Variants in TLN2 observed in about 807,000 individuals in gnomAD.
TLN2 encodes talin 2.
In TLN2, 118 loss-of-function variants were observed where a neutral mutation model predicts 294.7. The ratio of observed to expected loss-of-function variants is 0.40; its 90% CI spans 0.34 to 0.47. The LOEUF is 0.47. Ranked by LOEUF, TLN2 falls within the 20% of genes least tolerant of loss-of-function variation. The pLI, the probability that TLN2 is intolerant of heterozygous loss-of-function variation, is 0.84. For missense variants in TLN2, 3,083 were observed against 3,282.2 expected (o/e 0.94, Z 1.48); for synonymous variants, 1,431 against 1,304.5 (o/e 1.10, Z -2.09).
At chr15:62,671,546 C>T (rs901765224) in intron 9 of TLN2, among the ~76,000 whole-genome samples, 1 of 152,138 alleles carries the variant, frequency 6.6e-6, no homozygotes, top group Non-Finnish European at 1.5e-5. Context: ...TATTCTTTCC[C>T]CACTGAATTG....
At chr15:62,655,798 A>C (rs914685841) in intron 7 of TLN2, 146 bp from the exon 8 acceptor site, 169 of 987,788 alleles carry the variant, frequency 1.7e-4, no homozygotes, top group Non-Finnish European at 2.4e-4. Context: ...CTTAAAAACC[A>C]TAGTTCTAAA....
chr15:62,755,607 A>T lies in TLN2; in HGVS notation c.4552A>T (p.Thr1518Ser). The change falls in exon 37 of 59, where the codon ACG becomes TCG. Residue 1518 changes from threonine (T) to serine (S), a missense_variant. By Grantham distance (58) the Thr-to-Ser change is moderately conservative (BLOSUM62 1). Coordinates refer to ENST00000636159, the MANE Select transcript of TLN2 (RefSeq NM_015059.3). ...CNACRIASSK[T>S]ANPVAKRHFV... ...TGCCTGCCGCATCGCCTCATCCAAG[A>T]CGGCCAACCCAGTAGCCAAGAGGCA... The T allele has an allele frequency of 6.2e-7, 1 of 1,614,182 alleles. No individual in the cohort carries two copies. Among genetic ancestry groups the T allele is most frequent in the South Asian group, 1.1e-5 (1 of 91,082 alleles).
intron 1 of TLN2, among the ~76,000 whole-genome samples, chr15:62,443,999 A>T (rs1244411323): frequency 1.3e-5 from 2 of 152,150 alleles, no homozygotes; most frequent in African/African-American, 4.8e-5. Flanking sequence ...AAACAAATAA[A>T]GGGGAGAATC....
At chr15:62,419,241 A>G (rs2034253343) in intron 1 of TLN2, among the ~76,000 whole-genome samples, 1 of 152,252 alleles carries the variant, frequency 6.6e-6, no homozygotes, top group Admixed American at 6.5e-5. Context: ...AATAAAATAT[A>G]TTATTAAAAG....
intron 1 of TLN2, among the ~76,000 whole-genome samples, chr15:62,500,769 G>T (rs530317810): frequency 6.6e-6 from 1 of 152,214 alleles, no homozygotes; most frequent in Non-Finnish European, 1.5e-5. Context: ...GTTGGGAAAG[G>T]AATTTTTGCC....
chr15:62,758,605 C>T (rs1490474406), intron 37 of TLN2: 1 of 152,216 alleles, frequency 6.6e-6, no homozygotes, highest in African/African-American at 2.4e-5. Flanking sequence ...TAAGCACTTT[C>T]AGTGTGTACC....
intron 1 of TLN2, among the ~76,000 whole-genome samples, chr15:62,419,138 A>C (rs986471444): frequency 3.9e-5 from 6 of 152,230 alleles, no homozygotes; most frequent in African/African-American, 1.4e-4. Flanking sequence ...CAGATTTCAA[A>C]GGCTTGGCAA....
At chr15:62,793,303 G>C (rs547338794) in intron 46 of TLN2, among the ~76,000 whole-genome samples, 2 of 145,440 alleles carry the variant, frequency 1.4e-5, no homozygotes, top group Admixed American at 1.4e-4. Context: ...TTGTGGAGAA[G>C]CAGAAACTTG....
chr15:62,559,537 T>G (rs2042795855), intron 1 of TLN2, among the ~76,000 whole-genome samples: 1 of 152,220 alleles, frequency 6.6e-6, no homozygotes. Flanking sequence ...ACTAGCACTT[T>G]CTTGTGCTCG....
chr15:62,642,437 C>T (rs910424040), intron 3 of TLN2, among the ~76,000 whole-genome samples: 8 of 152,138 alleles, frequency 5.3e-5, no homozygotes, highest in African/African-American at 1.7e-4. Context: ...ATGAAAAGCC[C>T]GGAGAGGGGT....
rs527307671 is a variant in TLN2, at chr15:62,604,815, T to C, written c.-161-13536T>C. 3.9e-5 allele frequency among the ~76,000 whole-genome samples: 6 copies of C among 152,052 alleles called. No homozygotes were observed. The East Asian group carries it at 9.7e-4, about 25-fold the overall frequency. On this transcript the variant is annotated intron_variant, in intron 2 of 58. Coordinates refer to ENST00000636159, the MANE Select transcript of TLN2 (RefSeq NM_015059.3). ...CTGTGTTCTCTGATTTTCCATAGAT[T>C]ATACACAGACGCAAGCCTACCATCC...
intron 28 of TLN2, among the ~76,000 whole-genome samples, chr15:62,736,211 T>A (rs1009070428): frequency 1.3e-5 from 2 of 151,804 alleles, no homozygotes; most frequent in Non-Finnish European, 2.9e-5. Context: ...TCCCAGATAC[T>A]TGGGAGGCTG....
intron 1 of TLN2, among the ~76,000 whole-genome samples, chr15:62,540,414 A>G (rs892011546): frequency 6.6e-6 from 1 of 151,294 alleles, no homozygotes; most frequent in Non-Finnish European, 1.5e-5. Flanking sequence ...GTGCTCTGTA[A>G]AACTGGGAGT....
At chr15:62,497,806 G>A (rs1226588854) in intron 1 of TLN2, among the ~76,000 whole-genome samples, 1 of 152,104 alleles carries the variant, frequency 6.6e-6, no homozygotes, top group African/African-American at 2.4e-5. Context: ...GTGCTTGTCT[G>A]GTTCCTTTTT....
At chr15:62,704,811 C>T (rs1386337924) in intron 19 of TLN2, among the ~76,000 whole-genome samples, 1 of 152,164 alleles carries the variant, frequency 6.6e-6, no homozygotes, top group Non-Finnish European at 1.5e-5. Flanking sequence ...CCCCAAACTG[C>T]CCTTGCATTG....
At chr15:62,798,157 A>C (rs1024778500) in intron 48 of TLN2, among the ~76,000 whole-genome samples, 2 of 151,904 alleles carry the variant, frequency 1.3e-5, no homozygotes, top group African/African-American at 4.8e-5. Context: ...GCTTGTGTGG[A>C]GTGGTGGGGC....
chr15:62,731,567 G>C (rs931899855), intron 28 of TLN2, among the ~76,000 whole-genome samples: 6 of 152,078 alleles, frequency 3.9e-5, no homozygotes, highest in Admixed American at 3.3e-4. Context: ...CGTCTGAAAG[G>C]GTTGCTGTTT....
At chr15:62,813,900 C>T (rs1333785557) in intron 52 of TLN2, among the ~76,000 whole-genome samples, 2 of 151,934 alleles carry the variant, frequency 1.3e-5, no homozygotes, top group East Asian at 1.9e-4. Context: ...CTGTAACCTC[C>T]GCCTCCCGGG....
chr15:62,593,508 C>A (rs1355208820), intron 2 of TLN2, among the ~76,000 whole-genome samples: 1 of 152,188 alleles, frequency 6.6e-6, no homozygotes, highest in Non-Finnish European at 1.5e-5. Flanking sequence ...CAGTTAATTT[C>A]TTTCCACATT....
Sources: allele counts gnomAD v4.1 joint callset (sites outside exome capture counted in the v4.1 genomes callset), GRCh38; gene constraint gnomAD v4.1.1; transcripts MANE v1.5; gene names NCBI Gene and HGNC (gene_info 2026-07-23, HGNC 2026-07-21).